Variants in MTUS2 observed in about 807,000 individuals in gnomAD.
The protein encoded by MTUS2 is microtubule associated scaffold protein 2.
In MTUS2, 40 loss-of-function variants were observed where a neutral mutation model predicts 114.1. That is an observed-to-expected ratio of 0.35 (90% CI 0.27 to 0.46). The LOEUF (loss-of-function observed/expected upper bound fraction) is 0.46, where lower values mean the gene tolerates loss of function less well. Ranked by LOEUF, MTUS2 falls within the 20% of genes least tolerant of loss-of-function variation. The pLI is 1.00. For synonymous variants in MTUS2, 688 were observed against 672.0 expected (o/e 1.02, Z -0.37); for missense variants, 1,679 against 1,705.4 (o/e 0.98, Z 0.27).
chr13:29,011,999 T>C (rs891475335), intron 2 of MTUS2, among the ~76,000 whole-genome samples: 2 of 152,200 alleles, frequency 1.3e-5, no homozygotes, highest in East Asian at 1.9e-4. Context: ...GGTGCAGGCT[T>C]TTGAGCTGTA....
At chr13:28,997,561 A>G (rs1391094016) in intron 2 of MTUS2, among the ~76,000 whole-genome samples, 1 of 152,130 alleles carries the variant, frequency 6.6e-6, no homozygotes, top group African/African-American at 2.4e-5. Flanking sequence ...TTGCTTTATG[A>G]ATCTGGGTGC....
At chr13:29,482,390 A>G (rs1420450206) in intron 10 of MTUS2, 2 of 152,244 alleles carry the variant, frequency 1.3e-5, no homozygotes, top group Admixed American at 6.5e-5. Flanking sequence ...GGAGCGATGA[A>G]AGGAAAGAAG....
intron 4 of MTUS2, among the ~76,000 whole-genome samples, chr13:29,050,444 A>G (rs529523177): frequency 6.6e-6 from 1 of 152,008 alleles, no homozygotes; most frequent in South Asian, 2.1e-4. Context: ...TCACCACTCC[A>G]AACTCTCACT....
chr13:29,346,554 T>G (rs9551657), intron 7 of MTUS2, among the ~76,000 whole-genome samples: 91,320 of 125,706 alleles, frequency 0.73, 36,840 homozygotes, highest in East Asian at 0.89. Flanking sequence ...TCCCACCATG[T>G]CCCCCCAACA....
rs376465256 is a variant in MTUS2 at position 29,025,442 on chromosome 13, C to T, written c.744C>T (p.Thr248=). 6.2e-7 allele frequency: 1 copy of T among 1,612,508 alleles called. No individual in the cohort carries two copies. Among genetic ancestry groups the T allele is most frequent in the Non-Finnish European group, 8.5e-7 (1 of 1,179,366 alleles). ...GTGTGCGTCATCCTAAACCATCTAC[C>T]TCAGAAAGCAAGCAGAGCACTCCCT... ...GKSVRHPKPS[T]SESKQSTPSE... is the part of the protein sequence containing the mutation. Residue 248 remains threonine (T), a synonymous_variant, in exon 3 of 16, where the codon ACC becomes ACT. Coordinates refer to ENST00000612955, the MANE Select transcript of MTUS2 (RefSeq NM_001033602.4).
At chr13:28,859,724 A>T (rs1009090785) in intron 2 of MTUS2, among the ~76,000 whole-genome samples, 1 of 152,142 alleles carries the variant, frequency 6.6e-6, no homozygotes, top group East Asian at 1.9e-4. Context: ...GGCTGTGTTT[A>T]TTTAAGGAGC....
chr13:29,227,975 T>C (rs1257817516), intron 5 of MTUS2, among the ~76,000 whole-genome samples: 1 of 152,274 alleles, frequency 6.6e-6, no homozygotes, highest in Non-Finnish European at 1.5e-5. Flanking sequence ...TAGTGTTTTT[T>C]CTTACATTTG....
chr13:28,880,046 AC>A (rs750387181), intron 2 of MTUS2, among the ~76,000 whole-genome samples: 15 of 152,326 alleles, frequency 9.8e-5, no homozygotes, highest in Non-Finnish European at 1.6e-4. Context: ...TACTCCATTC[AC>A]CATTTCATTA....
intron 2 of MTUS2, among the ~76,000 whole-genome samples, chr13:28,948,720 G>T (rs148332609): frequency 6.6e-6 from 1 of 152,144 alleles, no homozygotes; most frequent in Non-Finnish European, 1.5e-5. Context: ...GGTAATGTTC[G>T]CATTGCTTGT....
intron 2 of MTUS2, among the ~76,000 whole-genome samples, chr13:28,840,705 G>T (rs1032442597): frequency 1.3e-5 from 2 of 152,208 alleles, no homozygotes; most frequent in African/African-American, 2.4e-5. Flanking sequence ...GCTCTGCCTT[G>T]TTGGGATTCA....
intron 9 of MTUS2, among the ~76,000 whole-genome samples, chr13:29,446,584 GT>G (rs1878297289): frequency 6.6e-6 from 1 of 152,132 alleles, no homozygotes; most frequent in Non-Finnish European, 1.5e-5. Flanking sequence ...CAAGTATAGT[GT>G]TTGCAAATTA....
In MTUS2 at chr13:29,306,975, G is replaced by T. The variant is rs1299138289; in HGVS notation, c.2807-17638G>T. 2.9e-5 allele frequency: 16 copies of T among 547,868 alleles called. No homozygotes were observed. In the East Asian group the frequency reaches 7.5e-4, roughly 26 times the overall value. The allele number at this position is 547,868 out of a possible 1,614,324, so 33.9% of individuals were successfully genotyped here. On this transcript the variant is annotated intron_variant, in intron 6 of 15. Coordinates refer to ENST00000612955, the MANE Select transcript of MTUS2 (RefSeq NM_001033602.4). The stretch of plus-strand genomic sequence containing the variant: ...GCACTGTCAAGGCTGAGAACAGGAA[G>T]CTTGTCATCACTGGAAATCTCATCA...
At chr13:28,855,898 A>G (rs1304959034) in intron 2 of MTUS2, among the ~76,000 whole-genome samples, 1 of 152,172 alleles carries the variant, frequency 6.6e-6, no homozygotes, top group Non-Finnish European at 1.5e-5. Context: ...CAACAGTGTA[A>G]AAGCGTTCCT....
At chr13:28,980,037 T>G (rs112479574) in intron 2 of MTUS2, among the ~76,000 whole-genome samples, 1 of 152,178 alleles carries the variant, frequency 6.6e-6, no homozygotes, top group Non-Finnish European at 1.5e-5. Context: ...GGAACTTTCT[T>G]ATGCTTAGGC....
Position 29,224,415 on chromosome 13 carries a change from C to CT in MTUS2, c.2645-57280dup, listed in dbSNP as rs1000437823. ...TGCTTAGCTACTCTTTTTTTAATGTCTTTTTTTTTATACTGTTCTTCATTG... is the reference window on the plus strand; with the variant it reads ...TGCTTAGCTACTCTTTTTTTAATGTCTTTTTTTTTTATACTGTTCTTCATTG... On this transcript the variant is annotated intron_variant, in intron 5 of 15. Coordinates refer to ENST00000612955, the MANE Select transcript of MTUS2 (RefSeq NM_001033602.4). Among the ~76,000 whole-genome samples the CT allele has an allele frequency of 1.3e-4, 19 of 150,694 alleles. No individual in the cohort carries two copies. The South Asian group carries it at 2.5e-3, about 20-fold the overall frequency.
At chr13:28,903,157 G>C (rs2137968264) in intron 2 of MTUS2, among the ~76,000 whole-genome samples, 1 of 152,242 alleles carries the variant, frequency 6.6e-6, no homozygotes, top group East Asian at 1.9e-4. Context: ...TATTATTTTA[G>C]TTGTTCTTCA....
intron 2 of MTUS2, among the ~76,000 whole-genome samples, chr13:28,886,324 C>G (rs1481719238): frequency 2.6e-5 from 4 of 151,990 alleles, no homozygotes; most frequent in African/African-American, 9.7e-5. Flanking sequence ...AGCAGGGGAG[C>G]AGGGAGGCAG....
chr13:29,172,527 T>C (rs1893605848), intron 5 of MTUS2, among the ~76,000 whole-genome samples: 1 of 152,236 alleles, frequency 6.6e-6, no homozygotes, highest in Non-Finnish European at 1.5e-5. Context: ...AATTAAATGT[T>C]GGCAATATCC....
At chr13:28,975,399 G>A (rs1435193833) in intron 2 of MTUS2, among the ~76,000 whole-genome samples, 1 of 152,048 alleles carries the variant, frequency 6.6e-6, no homozygotes, top group Non-Finnish European at 1.5e-5. Context: ...AGTTCTCCTG[G>A]TCCCGGCTCT....
Sources: allele counts gnomAD v4.1 joint callset (sites outside exome capture counted in the v4.1 genomes callset), GRCh38; gene constraint gnomAD v4.1.1; transcripts MANE v1.5; gene names NCBI Gene and HGNC (gene_info 2026-07-23, HGNC 2026-07-21).